The following FGGY variants were observed in gnomAD, a reference collection of about 807,000 sequenced individuals.
FGGY encodes FGGY carbohydrate kinase domain-containing protein.
In FGGY, 72 loss-of-function variants were observed where a neutral mutation model predicts 71.3. That is an observed-to-expected ratio of 1.01 (90% CI 0.84 to 1.23). The LOEUF is 1.23. Ranked by LOEUF, FGGY falls within the 50% of genes most tolerant of loss-of-function variation. The pLI is 0.00. For synonymous variants in FGGY, 251 were observed against 250.3 expected (o/e 1.00, Z -0.02); for missense variants, 668 against 682.3 (o/e 0.98, Z 0.23).
intron 11 of FGGY, chr1:59,641,355 A>G: frequency 1.3e-6 from 2 of 1,597,964 alleles, no homozygotes; most frequent in Non-Finnish European, 1.7e-6. Flanking sequence ...CCCTCAGGTG[A>G]CTCTTTTCTT....
intron 8 of FGGY, among the ~76,000 whole-genome samples, chr1:59,603,663 G>A (rs553336762): frequency 2.6e-4 from 39 of 152,314 alleles, no homozygotes; most frequent in East Asian, 7.7e-4. Context: ...CTAGAATCAC[G>A]ATGGGCCTTT....
Position 59,512,395 on chromosome 1 carries a change from T to C in FGGY, c.755T>C (p.Ile252Thr). The change falls in exon 7 of 16, where the codon ATT becomes ACT. Residue 252 changes from isoleucine to threonine, a missense_variant. Ile to Thr is a moderately conservative substitution (Grantham distance 89, BLOSUM62 -1). Around this residue, in one of 2 missense-constraint regions of FGGY, gnomAD observed 661 missense variants for 661.6 expected, o/e 1.00. Coordinates refer to ENST00000303721, the MANE Select transcript of FGGY (RefSeq NM_018291.5). Reference protein sequence around the residue: ...AARDLGLLPGIAVAASLIDAH... With the variant: ...AARDLGLLPGTAVAASLIDAH... ...AGAGACCTTGGCCTTCTCCCTGGGA[T>C]TGCGGTCGCAGCTTCACTCATTGAT... 1 of 1,613,990 alleles carries C rather than the reference T, an allele frequency of 6.2e-7. No homozygotes were observed. The highest frequency in any genetic ancestry group is 1.7e-4 in the Middle Eastern group (1 of 6,058).
intron 4 of FGGY, among the ~76,000 whole-genome samples, chr1:59,375,497 A>G (rs900792986): frequency 6.6e-6 from 1 of 152,146 alleles, no homozygotes; most frequent in Non-Finnish European, 1.5e-5. Flanking sequence ...CAGACTTCCC[A>G]CAACATGTTA....
At position 59,502,843 on chromosome 1, in the gene FGGY, G is replaced by A. The variant is rs72915678; in HGVS notation, c.671-9468G>A. ...GTCTGTATGGGCCATTCAAAATCCC[G>A]TGTCTCTGTTTTTGGAACAGAGAAG... On this transcript the variant is annotated intron_variant, in intron 6 of 15. Transcript: ENST00000303721. 7.5e-3 allele frequency among the ~76,000 whole-genome samples: 1,149 copies of A among 152,274 alleles called. 12 individuals are homozygous for A. Among genetic ancestry groups the A allele is most frequent in the African/African-American group, 0.026 (1,074 of 41,542 alleles).
intron 14 of FGGY, among the ~76,000 whole-genome samples, chr1:59,685,019 A>G (rs1023655202): frequency 4.6e-5 from 7 of 152,182 alleles, no homozygotes; most frequent in Non-Finnish European, 8.8e-5. Flanking sequence ...GCACCAAGCT[A>G]TTGAAAATCT....
intron 5 of FGGY, among the ~76,000 whole-genome samples, chr1:59,425,355 A>G (rs1221626340): frequency 6.6e-6 from 1 of 152,150 alleles, no homozygotes; most frequent in African/African-American, 2.4e-5. Context: ...GGGGATTTCT[A>G]TCACATTTCT....
intron 14 of FGGY, among the ~76,000 whole-genome samples, chr1:59,683,003 A>G (rs1180920862): frequency 6.6e-6 from 1 of 152,176 alleles, no homozygotes; most frequent in Non-Finnish European, 1.5e-5. Flanking sequence ...TTCACCACAG[A>G]TGGGCCCTTT....
chr1:59,331,319 A>G (rs2048432860), intron 2 of FGGY, among the ~76,000 whole-genome samples: 1 of 152,166 alleles, frequency 6.6e-6, no homozygotes, highest in South Asian at 2.1e-4. Flanking sequence ...TACGTAGGTA[A>G]AGGATTAGGA....
At chr1:59,448,496 A>G (rs1572269384) in intron 5 of FGGY, among the ~76,000 whole-genome samples, 1 of 151,896 alleles carries the variant, frequency 6.6e-6, no homozygotes, top group East Asian at 1.9e-4. Flanking sequence ...TGCTTCATGC[A>G]CTCCAGGAGT....
At chr1:59,388,534 G>C (rs371640769) in intron 5 of FGGY, among the ~76,000 whole-genome samples, 1 of 152,078 alleles carries the variant, frequency 6.6e-6, no homozygotes, top group Non-Finnish European at 1.5e-5. Flanking sequence ...GGAGAAACTT[G>C]CACCTTAATA....
chr1:59,386,442 C>CT (rs1553173275), intron 5 of FGGY, among the ~76,000 whole-genome samples: 1 of 152,102 alleles, frequency 6.6e-6, no homozygotes. Context: ...ACCTATCAAG[C>CT]GAACACACTC....
chr1:59,539,858 G>A (rs575528805), intron 7 of FGGY, among the ~76,000 whole-genome samples: 27 of 152,282 alleles, frequency 1.8e-4, no homozygotes, highest in Non-Finnish European at 3.2e-4. Context: ...AACAAAAGAT[G>A]TGTATCCAGA....
intron 8 of FGGY, among the ~76,000 whole-genome samples, chr1:59,589,336 T>C (rs2096379651): frequency 6.6e-6 from 1 of 152,108 alleles, no homozygotes; most frequent in South Asian, 2.1e-4. Flanking sequence ...ACAATAATAA[T>C]GGGAGACTTT....
intron 4 of FGGY, among the ~76,000 whole-genome samples, chr1:59,350,151 C>T (rs2052959048): frequency 6.6e-6 from 1 of 152,132 alleles, no homozygotes; most frequent in Admixed American, 6.6e-5. Context: ...ATCAAGCTGT[C>T]ATGTGTTTAC....
At chr1:59,469,664 G>A (rs976685702) in intron 6 of FGGY, among the ~76,000 whole-genome samples, 1 of 151,932 alleles carries the variant, frequency 6.6e-6, no homozygotes, top group Admixed American at 6.6e-5. Flanking sequence ...GTGTCATGGG[G>A]GTTTGTTTTA....
At chr1:59,375,155 G>T (rs965089321) in intron 4 of FGGY, among the ~76,000 whole-genome samples, 8 of 151,096 alleles carry the variant, frequency 5.3e-5, no homozygotes, top group African/African-American at 1.9e-4. Context: ...AGCTACTCGG[G>T]AGGCTGAGGC....
At chr1:59,312,784 T>G (rs2044610601) in intron 1 of FGGY, among the ~76,000 whole-genome samples, 1 of 152,264 alleles carries the variant, frequency 6.6e-6, no homozygotes, top group Non-Finnish European at 1.5e-5. Flanking sequence ...AAGGTTATGG[T>G]TTTTGGCCAC....
chr1:59,696,105 G>T (rs938987289), intron 14 of FGGY, among the ~76,000 whole-genome samples: 6 of 152,178 alleles, frequency 3.9e-5, no homozygotes, highest in Admixed American at 3.3e-4. Context: ...GCACATTGCT[G>T]TGAGTTCTGC....
At chr1:59,337,062 T>C (rs2049737909) in intron 2 of FGGY, among the ~76,000 whole-genome samples, 1 of 148,612 alleles carries the variant, frequency 6.7e-6, no homozygotes. Flanking sequence ...TATATATATA[T>C]ATATATGAAA....
Sources: gnomAD v4.1 joint callset for allele counts (sites outside exome capture counted in the v4.1 genomes callset) on GRCh38, gnomAD v4.1.1 for gene constraint, gnomAD v4.1.1 regional missense constraint, MANE v1.5 for transcripts, NCBI Gene and HGNC (gene_info 2026-07-23, HGNC 2026-07-21) for gene names.